Variants in GSTCD observed in about 807,000 individuals in gnomAD.
GSTCD encodes the protein glutathione S-transferase C-terminal domain-containing protein.
GSTCD carries 44 observed loss-of-function variants against 68.3 expected under a neutral mutation model. That is an observed-to-expected ratio of 0.64 (90% confidence interval 0.51 to 0.83). The LOEUF is 0.83. Among genes scored for constraint, GSTCD ranks in the 40% least tolerant of loss-of-function variants. The pLI is 0.00. For missense variants in GSTCD, 739 were observed against 735.9 expected (o/e 1.00, Z -0.05); for synonymous variants, 273 against 255.2 (o/e 1.07, Z -0.67).
At chr4:105,842,406 T>C (rs559397399) in intron 11 of GSTCD, among the ~76,000 whole-genome samples, 3 of 152,294 alleles carry the variant, frequency 2.0e-5, no homozygotes, top group Non-Finnish European at 4.4e-5. Flanking sequence ...CTTACTGTTA[T>C]GAACAAACTG....
intron 5 of GSTCD, among the ~76,000 whole-genome samples, chr4:105,733,921 G>T (rs567965531): frequency 2.1e-4 from 32 of 152,208 alleles, no homozygotes; most frequent in East Asian, 9.7e-4. Context: ...GTCTGTAACG[G>T]ATTTTATTTC....
chr4:105,800,442 A>G (rs1263078077), intron 5 of GSTCD, among the ~76,000 whole-genome samples: 2 of 152,158 alleles, frequency 1.3e-5, no homozygotes, highest in Non-Finnish European at 1.5e-5. Context: ...TATCAATACC[A>G]TTTAGGCAGT....
chr4:105,740,353 G>A (rs1462274791), intron 5 of GSTCD, among the ~76,000 whole-genome samples: 1 of 151,998 alleles, frequency 6.6e-6, no homozygotes, highest in East Asian at 1.9e-4. Context: ...CACGGGGAGA[G>A]TTCCTCCTAA....
intron 5 of GSTCD, among the ~76,000 whole-genome samples, chr4:105,738,220 G>A (rs552723363): frequency 6.6e-6 from 1 of 152,152 alleles, no homozygotes; most frequent in South Asian, 2.1e-4. Context: ...TTCATTTCTG[G>A]GTTCTCTTTT....
chr4:105,790,464 T>C (rs541113651), intron 5 of GSTCD, among the ~76,000 whole-genome samples: 10 of 152,132 alleles, frequency 6.6e-5, no homozygotes, highest in South Asian at 4.1e-4. Context: ...CATAGTAAGA[T>C]TTTTGTCTGT....
intron 5 of GSTCD, among the ~76,000 whole-genome samples, chr4:105,802,334 A>T (rs1172445883): frequency 1.3e-5 from 2 of 152,058 alleles, no homozygotes; most frequent in Non-Finnish European, 2.9e-5. Flanking sequence ...GAGTGATCTG[A>T]GGCCAGCCTC....
At chr4:105,842,625 G>A (rs1348926627) in intron 11 of GSTCD, among the ~76,000 whole-genome samples, 1 of 152,146 alleles carries the variant, frequency 6.6e-6, no homozygotes, top group Non-Finnish European at 1.5e-5. Context: ...AACATTTCAA[G>A]TTTAATAAGT....
intron 5 of GSTCD, among the ~76,000 whole-genome samples, chr4:105,765,488 G>A (rs1249523715): frequency 2.0e-5 from 3 of 152,180 alleles, no homozygotes; most frequent in Non-Finnish European, 2.9e-5. Context: ...TTGAAACAGC[G>A]CAACTAAGAG....
intron 11 of GSTCD, among the ~76,000 whole-genome samples, chr4:105,843,332 C>T (rs1454319960): frequency 6.6e-6 from 1 of 152,196 alleles, no homozygotes; most frequent in African/African-American, 2.4e-5. Flanking sequence ...GCCTTTCCTT[C>T]TTGCTCCTCC....
In GSTCD at chr4:105,750,478, A is replaced by G. The variant is rs1408082363; in HGVS notation, c.1240+20979A>G. On this transcript the variant is annotated intron_variant, in intron 5 of 11. Transcript: ENST00000515279. ...TCCGTCTCAAAAAAAAAAAAAAAAAAAGAAAAGTAACAACACTGAATGCTG... is the reference window on the plus strand; with the variant it reads ...TCCGTCTCAAAAAAAAAAAAAAAAAGAGAAAAGTAACAACACTGAATGCTG... Among the ~76,000 whole-genome samples the G allele has an allele frequency of 2.0e-5, 3 of 151,802 alleles. No individual in the cohort carries two copies. In the East Asian group the frequency reaches 5.8e-4, roughly 29 times the overall value.
At chr4:105,723,836 CA>C (rs1395755241) in intron 3 of GSTCD, among the ~76,000 whole-genome samples, 1 of 151,624 alleles carries the variant, frequency 6.6e-6, no homozygotes, top group African/African-American at 2.4e-5. Context: ...TGATAAATAG[CA>C]ACTTGAAAAA....
chr4:105,712,509 G>A (rs1268509792), intron 1 of GSTCD: 1 of 152,220 alleles, frequency 6.6e-6, no homozygotes, highest in Non-Finnish European at 1.5e-5. Context: ...TTTATTTTGA[G>A]TGTGCTGAAG....
chr4:105,822,896 C>A, intron 5 of GSTCD, 58 bp from the exon 6 acceptor site: 1 of 1,302,642 alleles, frequency 7.7e-7, no homozygotes. Flanking sequence ...TTAAGCGTGT[C>A]TTCTTGTTCC....
intron 5 of GSTCD, among the ~76,000 whole-genome samples, chr4:105,762,914 A>G (rs1350746584): frequency 6.6e-6 from 1 of 152,198 alleles, no homozygotes; most frequent in Non-Finnish European, 1.5e-5. Context: ...TTCTCCCCAG[A>G]CAAGCACAAT....
chr4:105,799,471 G>A (rs181782591), intron 5 of GSTCD, among the ~76,000 whole-genome samples: 1 of 152,036 alleles, frequency 6.6e-6, no homozygotes, highest in Non-Finnish European at 1.5e-5. Context: ...AACACTTAGG[G>A]TCATTGTAGG....
rs558193564 is a variant in GSTCD, at chr4:105,717,530, CTTTTA to C, written c.-21-57_-21-53del. 1.3e-5 allele frequency: 13 copies of C among 1,035,052 alleles called. No homozygotes were observed. In the South Asian group the frequency reaches 1.7e-4, roughly 13 times the overall value. The allele number at this position is 1,035,052 out of a possible 1,614,324, so 64.1% of individuals were successfully genotyped here. A position where few individuals can be genotyped will look rare whatever the true frequency, so the allele number is the denominator to read the frequency against. The stretch of plus-strand genomic sequence containing the variant: ...TAGAACAGGCTTTTGAAACATTCAT[CTTTTA>C]TTTTAGCTTCTAAATGATTATATTC... On this transcript the variant is annotated intron_variant, in intron 1 of 11. Coordinates refer to ENST00000515279, the MANE Select transcript of GSTCD (RefSeq NM_001370181.1).
intron 8 of GSTCD, among the ~76,000 whole-genome samples, chr4:105,834,122 A>T (rs939797581): frequency 2.6e-5 from 4 of 152,202 alleles, no homozygotes; most frequent in Admixed American, 1.3e-4. Context: ...CAAAGAAGCT[A>T]AATTTTAAGT....
rs773551692 is a variant in GSTCD, at chr4:105,719,141, C to T, written c.508C>T (p.Pro170Ser). Reference sequence around the variant, plus strand: ...TCTCAGAGAATCTTCTGACCAGCCCCCAACTATACCTGTAGAAATACTACA... The same window carrying T: ...TCTCAGAGAATCTTCTGACCAGCCCTCAACTATACCTGTAGAAATACTACA... ...NFLRESSDQPPTIPVEILQLE... is the reference protein window; with the variant it reads ...NFLRESSDQPSTIPVEILQLE... Residue 170 changes from proline (P) to serine (S), a missense_variant, in exon 3 of 12, where the codon CCA becomes TCA. Physicochemically the swap from Pro to Ser is moderately conservative, Grantham distance 74. Coordinates refer to ENST00000515279, the MANE Select transcript of GSTCD (RefSeq NM_001370181.1). 12 of 1,614,096 alleles carry T rather than the reference C, an allele frequency of 7.4e-6. No homozygotes were observed. The Admixed American group carries it at 2.0e-4, about 27-fold the overall frequency.
At chr4:105,778,598 A>G (rs1379970001) in intron 5 of GSTCD, among the ~76,000 whole-genome samples, 1 of 152,108 alleles carries the variant, frequency 6.6e-6, no homozygotes, top group African/African-American at 2.4e-5. Flanking sequence ...TTTGAGAGAA[A>G]TCTATATAAG....
Sources: allele counts gnomAD v4.1 joint callset (sites outside exome capture counted in the v4.1 genomes callset), GRCh38; gene constraint gnomAD v4.1.1; transcripts MANE v1.5; gene names NCBI Gene and HGNC (gene_info 2026-07-23, HGNC 2026-07-21).